The following POLQ variants were observed in gnomAD, a reference collection of about 807,000 sequenced individuals.
POLQ encodes the protein DNA polymerase theta.
A neutral mutation model predicts 259.2 loss-of-function variants in POLQ; 233 were observed. That is an observed-to-expected ratio of 0.90 (90% CI 0.81 to 1.00). POLQ has a LOEUF of 1.00. Ranked by LOEUF, POLQ falls within the 50% of genes least tolerant of loss-of-function variation. The pLI is 0.00. For missense variants in POLQ, 2,871 were observed against 3,051.6 expected (o/e 0.94, Z 1.39); for synonymous variants, 1,025 against 1,048.8 (o/e 0.98, Z 0.44).
intron 28 of POLQ, among the ~76,000 whole-genome samples, chr3:121,433,441 G>A (rs962978251): frequency 1.3e-5 from 2 of 152,150 alleles, no homozygotes; most frequent in African/African-American, 4.8e-5. Context: ...TTTCTTAAGG[G>A]GGACACTCCC....
chr3:121,447,256 C>T (rs1233164944), intron 26 of POLQ, among the ~76,000 whole-genome samples: 1 of 151,032 alleles, frequency 6.6e-6, no homozygotes, highest in Non-Finnish European at 1.5e-5. Flanking sequence ...CTGCAACCTC[C>T]GCCTCCTGGG....
At chr3:121,437,189 T>G (rs2047550935) in intron 27 of POLQ, among the ~76,000 whole-genome samples, 1 of 152,076 alleles carries the variant, frequency 6.6e-6, no homozygotes, top group Admixed American at 6.5e-5. Context: ...GGCAACATAG[T>G]GAGACCCTGT....
intron 9 of POLQ, among the ~76,000 whole-genome samples, chr3:121,519,436 G>T (rs773940292): frequency 6.7e-6 from 1 of 148,302 alleles, no homozygotes; most frequent in Non-Finnish European, 1.5e-5. Context: ...AGCACTTTGG[G>T]AGGCCGAGGC....
Position 121,545,887 on chromosome 3 carries a change from T to C in POLQ, c.-10A>G. 1.2e-6 allele frequency: 2 copies of C among 1,613,026 alleles called. No homozygotes were observed. Among genetic ancestry groups the C allele is most frequent in the Non-Finnish European group, 1.7e-6 (2 of 1,179,630 alleles). ...GACGCAGAAGATTCATGGCAAACTCTTCTCGGCCGATCAGGGCAAGCCACA... is the reference window on the plus strand; with the variant it reads ...GACGCAGAAGATTCATGGCAAACTCCTCTCGGCCGATCAGGGCAAGCCACA... On this transcript the variant is annotated 5_prime_UTR_variant, in exon 1 of 30. Transcript: ENST00000264233.
Position 121,489,523 on chromosome 3 carries a change from A to G in POLQ, c.3408T>C (p.His1136=). Residue 1136 remains histidine, a synonymous_variant, in exon 16 of 30, where the codon CAT becomes CAC. Coordinates refer to ENST00000264233, the MANE Select transcript of POLQ (RefSeq NM_199420.4). The part of the protein sequence containing the change: ...ITLTNDNFVE[H]IVTGSQSKNV... ...TTTTACTCTGAGATCCTGTGACAATATGCTCCACAAAATTATCATTAGTTA... is the reference window on the plus strand; with the variant it reads ...TTTTACTCTGAGATCCTGTGACAATGTGCTCCACAAAATTATCATTAGTTA... 6.2e-7 allele frequency: 1 copy of G among 1,613,786 alleles called. No individual in the cohort carries two copies. The highest frequency in any genetic ancestry group is 8.5e-7 in the Non-Finnish European group (1 of 1,179,920).
intron 12 of POLQ, among the ~76,000 whole-genome samples, chr3:121,505,787 T>C (rs2048203789): frequency 6.7e-6 from 1 of 148,896 alleles, no homozygotes; most frequent in African/African-American, 2.5e-5. Flanking sequence ...GGCAGGTGGA[T>C]CACCTGAGGT....
intron 8 of POLQ, 164 bp downstream of exon 8, chr3:121,521,839 G>A (rs1346776466): frequency 2.4e-6 from 1 of 423,958 alleles, no homozygotes; most frequent in Non-Finnish European, 4.0e-6. Context: ...CCAAAGTGCT[G>A]GGATTACAGG....
At chr3:121,452,227 G>A (rs1266444267) in intron 25 of POLQ, among the ~76,000 whole-genome samples, 2 of 152,164 alleles carry the variant, frequency 1.3e-5, no homozygotes, top group African/African-American at 4.8e-5. Flanking sequence ...CTGACCCCTT[G>A]TGCTTCCCAG....
At chr3:121,491,234 T>G (rs981626390) in intron 15 of POLQ, among the ~76,000 whole-genome samples, 3 of 149,526 alleles carry the variant, frequency 2.0e-5, no homozygotes, top group Non-Finnish European at 4.4e-5. Context: ...GTGCCTGTAG[T>G]CCCAGCTACT....
At chr3:121,507,355 A>G (rs994631725) in intron 12 of POLQ, among the ~76,000 whole-genome samples, 5 of 152,336 alleles carry the variant, frequency 3.3e-5, no homozygotes, top group African/African-American at 9.6e-5. Flanking sequence ...AGAATTTACC[A>G]TGGCTTTCTT....
At chr3:121,442,032 G>A (rs1239668203) in intron 26 of POLQ, among the ~76,000 whole-genome samples, 1 of 152,116 alleles carries the variant, frequency 6.6e-6, no homozygotes, top group Non-Finnish European at 1.5e-5. Flanking sequence ...TTATCGGATC[G>A]TCTAGCTTCT....
At chr3:121,460,306 TAATTGAGCAG>T (rs1313381824) in intron 24 of POLQ, 72 bp from the exon 25 acceptor site, 33 of 1,164,554 alleles carry the variant, frequency 2.8e-5, no homozygotes, top group Non-Finnish European at 4.1e-5. Context: ...CTATATCATA[TAATTGAGCAG>T]GATGACAAAA....
intron 29 of POLQ, 75 bp from the exon 30 acceptor site, chr3:121,432,492 A>G (rs2047503104): frequency 6.6e-7 from 1 of 1,511,748 alleles, no homozygotes; most frequent in South Asian, 1.3e-5. Flanking sequence ...TGAGAAAGTT[A>G]TAAACCAGAC....
Position 121,489,582 on chromosome 3 carries a change from G to T in POLQ, c.3349C>A (p.Gln1117Lys), listed in dbSNP as rs1411891910. 6.2e-7 allele frequency: 1 copy of T among 1,612,700 alleles called. No homozygotes were observed. The highest frequency in any genetic ancestry group is 1.1e-5 in the South Asian group (1 of 90,812). The change falls in exon 16 of 30, where the codon CAA becomes AAA. Residue 1117 changes from glutamine (Q) to lysine (K), a missense_variant. Coordinates refer to ENST00000264233, the MANE Select transcript of POLQ (RefSeq NM_199420.4). Reference sequence around the variant, plus strand: ...TTCCATGAACAATTTTGCTTTATTTGTAATGGGAATGATGTTTTATTATCT... The same window carrying T: ...TTCCATGAACAATTTTGCTTTATTTTTAATGGGAATGATGTTTTATTATCT... ...EKDNKTSFPL[Q>K]IKQNCSWNIT... is the part of the protein sequence containing the mutation.
At chr3:121,514,652 A>G (rs1187325072) in intron 9 of POLQ, among the ~76,000 whole-genome samples, 1 of 152,038 alleles carries the variant, frequency 6.6e-6, no homozygotes, top group Non-Finnish European at 1.5e-5. Context: ...GCTGGGTAAC[A>G]GCATGGCTAG....
chr3:121,465,082 T>C (rs1237657230), intron 24 of POLQ, among the ~76,000 whole-genome samples: 1 of 150,994 alleles, frequency 6.6e-6, no homozygotes, highest in Non-Finnish European at 1.5e-5. Context: ...ATGTTTTTTT[T>C]CTTTTTTCTT....
rs375295723 is a variant in POLQ, at chr3:121,519,972, C to T, written c.1367G>A (p.Arg456His). Residue 456 changes from arginine to histidine, a missense_variant, in exon 9 of 30, where the codon CGT (arginine) becomes CAT (histidine). Physicochemically the swap from Arg to His is conservative, Grantham distance 29 (BLOSUM62 0). This residue lies in a region of POLQ where 783 missense variants were observed against 906.2 expected (regional missense o/e 0.86). Coordinates refer to ENST00000264233, the MANE Select transcript of POLQ (RefSeq NM_199420.4). ...AAAAATAGGGGTTCGAATAATCACACGACGTGCAGGTAAATTCACCCCAGA... is the reference window on the plus strand; with the variant it reads ...AAAAATAGGGGTTCGAATAATCACATGACGTGCAGGTAAATTCACCCCAGA... ...LSSGVNLPAR[R>H]VIIRTPIFGG... The T allele has an allele frequency of 9.3e-6, 15 of 1,611,912 alleles. No individual in the cohort carries two copies. Among genetic ancestry groups the T allele is most frequent in the African/African-American group, 1.3e-5 (1 of 74,846 alleles).
chr3:121,465,481 T>C (rs1016826069), intron 24 of POLQ, among the ~76,000 whole-genome samples: 16 of 152,218 alleles, frequency 1.1e-4, no homozygotes, highest in Non-Finnish European at 2.2e-4. Context: ...ATACCTTGCT[T>C]TATTGGACTT....
At chr3:121,512,711 C>A (rs1471779957) in intron 9 of POLQ, among the ~76,000 whole-genome samples, 1 of 152,126 alleles carries the variant, frequency 6.6e-6, no homozygotes, top group Admixed American at 6.6e-5. Context: ...ATTAGCAGGT[C>A]CCAACTGCAG....
Sources: gnomAD v4.1 joint callset for allele counts (sites outside exome capture counted in the v4.1 genomes callset) on GRCh38, gnomAD v4.1.1 for gene constraint, gnomAD v4.1.1 regional missense constraint, MANE v1.5 for transcripts, NCBI Gene and HGNC (gene_info 2026-07-23, HGNC 2026-07-21) for gene names.